FSIP2: variants seen among roughly 807,000 people sequenced by gnomAD.
FSIP2 encodes the protein fibrous sheath interacting protein 2.
FSIP2 carries 367 observed loss-of-function variants against 510.5 expected under a neutral mutation model. That is an observed-to-expected ratio of 0.72 (90% CI 0.66 to 0.78). The LOEUF (loss-of-function observed/expected upper bound fraction) is 0.78, where lower values mean the gene tolerates loss of function less well. Ranked by LOEUF, FSIP2 falls within the 30% of genes least tolerant of loss-of-function variation. FSIP2 has a pLI of 0.00. For missense variants in FSIP2, 7,594 were observed against 7,901.7 expected, an observed-to-expected ratio of 0.96 and a Z score of 1.48; for synonymous variants, 2,601 against 2,732.2, an observed-to-expected ratio of 0.95 and a Z score of 1.50.
intron 13 of FSIP2, among the ~76,000 whole-genome samples, chr2:185,773,603 G>T (rs1692655955): frequency 1.3e-5 from 2 of 152,110 alleles, no homozygotes; most frequent in Non-Finnish European, 2.9e-5. Context: ...TTATTTGTCT[G>T]TAGTGTCAAA....
chr2:185,819,369 G>A (rs979452489), intron 19 of FSIP2, among the ~76,000 whole-genome samples: 39 of 151,766 alleles, frequency 2.6e-4, no homozygotes, highest in African/African-American at 9.4e-4. Context: ...GTATAAATGG[G>A]TTAAACACTT....
At position 185,801,104 on chromosome 2, in the gene FSIP2, A is replaced by G. The variant is rs573530585; in HGVS notation, c.11798A>G (p.His3933Arg). The G allele has an allele frequency of 1.4e-5, 21 of 1,533,044 alleles. No individual in the cohort carries two copies. The highest frequency in any genetic ancestry group is 1.8e-5 in the Non-Finnish European group (21 of 1,145,196). 95.0% of individuals were successfully genotyped at this position (1,533,044 alleles called of 1,614,324 possible). A position where few individuals can be genotyped will look rare whatever the true frequency, so the allele number is the denominator to read the frequency against. ...AAAATACAAGCACCATTTAACAAGC[A>G]TTGTGCAGTAAAATCCTCTTCTGTG... is the stretch of plus-strand genomic sequence containing the variant. Reference protein sequence around the residue: ...SSKIQAPFNKHCAVKSSSVSP... With the variant: ...SSKIQAPFNKRCAVKSSSVSP... The change falls in exon 17 of 23, where the codon CAT (histidine) becomes CGT (arginine). Residue 3933 changes from histidine to arginine, a missense_variant. Coordinates refer to ENST00000424728, the MANE Select transcript of FSIP2 (RefSeq NM_173651.4).
At chr2:185,764,422 A>G (rs1692418879) in intron 12 of FSIP2, 80 bp from the exon 13 acceptor site, 2 of 726,324 alleles carry the variant, frequency 2.8e-6, no homozygotes, top group Admixed American at 5.3e-5. Context: ...TGTACTATAA[A>G]TATAGAAATA....
Position 185,792,828 on chromosome 2 carries a change from C to T in FSIP2, c.5692C>T (p.Pro1898Ser), listed in dbSNP as rs1559027430. The change falls in exon 16 of 23, where the codon CCA becomes TCA. Residue 1898 changes from proline to serine, a missense_variant. Transcript: ENST00000424728. ...KSSVTALDEN[P>S]CTFQSRFSVA... ...CTCTGTCACGGCTTTGGATGAAAAT[C>T]CATGTACTTTTCAGTCTAGATTCAG... The T allele has an allele frequency of 6.5e-7, 1 of 1,534,244 alleles. No homozygotes were observed.
At chr2:185,767,705 TTAGA>T (rs1205138748) in intron 13 of FSIP2, among the ~76,000 whole-genome samples, 2 of 152,164 alleles carry the variant, frequency 1.3e-5, no homozygotes, top group Non-Finnish European at 2.9e-5. Flanking sequence ...ATACATCTAC[TTAGA>T]CAGATAGATC....
intron 15 of FSIP2, 23 bp downstream of exon 15, chr2:185,786,311 A>G: frequency 6.7e-7 from 1 of 1,488,642 alleles, no homozygotes; most frequent in Non-Finnish European, 9.0e-7. Context: ...AAATCCACCG[A>G]GAAAGCAACA....
chr2:185,786,573 T>G (rs2105604414), intron 15 of FSIP2, among the ~76,000 whole-genome samples: 1 of 151,988 alleles, frequency 6.6e-6, no homozygotes, highest in East Asian at 1.9e-4. Context: ...AGGAAGAGAA[T>G]CAAATACCAC....
At chr2:185,821,714 G>A (rs1447374658) in intron 19 of FSIP2, among the ~76,000 whole-genome samples, 5 of 151,448 alleles carry the variant, frequency 3.3e-5, no homozygotes, top group East Asian at 2.0e-4. Context: ...TCTCAAGCCC[G>A]ACAATTTGAG....
Position 185,794,036 on chromosome 2 carries a change from T to C in FSIP2, c.6900T>C (p.Tyr2300=), listed in dbSNP as rs1693206869. The C allele has an allele frequency of 3.9e-6, 6 of 1,533,974 alleles. No individual in the cohort carries two copies. In the East Asian group the frequency reaches 1.5e-4, roughly 38 times the overall value. The part of the protein sequence containing the change: ...ENCKQNDSIF[Y]DSSQVESDVN... ...GTAAACAAAATGACAGCATCTTTTA[T>C]GATTCAAGCCAAGTGGAATCAGATG... Residue 2300 remains tyrosine (Y), a synonymous_variant, in exon 16 of 23, where the codon TAT becomes TAC. Transcript: ENST00000424728.
intron 13 of FSIP2, among the ~76,000 whole-genome samples, chr2:185,780,637 A>C (rs1411113741): frequency 6.6e-6 from 1 of 151,956 alleles, no homozygotes; most frequent in African/African-American, 2.4e-5. Context: ...AAATATTTGA[A>C]ATCTTTGAGG....
At chr2:185,757,974 A>T (rs748916730) in intron 9 of FSIP2, among the ~76,000 whole-genome samples, 1 of 151,072 alleles carries the variant, frequency 6.6e-6, no homozygotes, top group African/African-American at 2.4e-5. Flanking sequence ...ATAATCCCAG[A>T]TTACCTCTGG....
chr2:185,739,097 C>T, intron 1 of FSIP2, 104 bp downstream of exon 1: 1 of 1,374,308 alleles, frequency 7.3e-7, no homozygotes, highest in Non-Finnish European at 9.6e-7. Flanking sequence ...CCCAACTGTC[C>T]CCCGTCAGGA....
intron 17 of FSIP2, among the ~76,000 whole-genome samples, chr2:185,813,126 A>G (rs915083125): frequency 2.6e-5 from 4 of 152,062 alleles, no homozygotes; most frequent in African/African-American, 9.7e-5. Context: ...TTTGAAAATC[A>G]AGATCAGTGA....
At chr2:185,818,638 C>T (rs1232241490) in intron 19 of FSIP2, among the ~76,000 whole-genome samples, 3 of 151,702 alleles carry the variant, frequency 2.0e-5, no homozygotes, top group Admixed American at 1.3e-4. Flanking sequence ...AGTAACCTTA[C>T]AAGCCAAGAG....
At chr2:185,756,160 T>C (rs1692242232) in intron 8 of FSIP2, 32 bp from the exon 9 acceptor site, 2 of 881,932 alleles carry the variant, frequency 2.3e-6, no homozygotes, top group Non-Finnish European at 3.4e-6. Context: ...TCATCATAAG[T>C]AAAAATAAAT....
In FSIP2 at chr2:185,745,677, G is replaced by T; in HGVS notation, c.617+109G>T. 3.2e-6 allele frequency: 3 copies of T among 940,768 alleles called. No homozygotes were observed. In the Middle Eastern group the frequency reaches 6.8e-4, roughly 214 times the overall value. The allele number at this position is 940,768 out of a possible 1,614,324, so 58.3% of individuals were successfully genotyped here. ...TTAAGTACTGGACACCATTCTCCTG[G>T]ATCCCTCAGAGTGTAGAGGAAGGAA... On this transcript the variant is annotated intron_variant, in intron 5 of 22. Coordinates refer to ENST00000424728, the MANE Select transcript of FSIP2 (RefSeq NM_173651.4).
chr2:185,817,724 A>G (rs1693850140), intron 19 of FSIP2, among the ~76,000 whole-genome samples: 1 of 152,034 alleles, frequency 6.6e-6, no homozygotes. Flanking sequence ...GAAATAATAA[A>G]ATACCCAGAA....
At chr2:185,748,549 G>A (rs1408813790) in intron 7 of FSIP2, among the ~76,000 whole-genome samples, 3 of 151,856 alleles carry the variant, frequency 2.0e-5, no homozygotes, top group African/African-American at 4.8e-5. Context: ...ATCTCTGGGC[G>A]GCAGAGCAAG....
At position 185,790,703 on chromosome 2, in the gene FSIP2, T is replaced by G; in HGVS notation, c.3567T>G (p.Thr1189=). ...HKASNYISNT[T]KSSISSSVHQ... Reference sequence around the variant, plus strand: ...CATCAAACTACATTTCCAATACCACTAAAAGTTCCATTTCATCATCAGTTC... The same window carrying G: ...CATCAAACTACATTTCCAATACCACGAAAAGTTCCATTTCATCATCAGTTC... The change falls in exon 16 of 23, where the codon ACT becomes ACG. Residue 1189 remains threonine, a synonymous_variant. Transcript: ENST00000424728. 1 of 1,533,988 alleles carries G rather than the reference T, an allele frequency of 6.5e-7. No homozygotes were observed. Among genetic ancestry groups the G allele is most frequent in the Non-Finnish European group, 8.7e-7 (1 of 1,145,440 alleles).
Sources: gnomAD v4.1 joint callset for allele counts (sites outside exome capture counted in the v4.1 genomes callset) on GRCh38, gnomAD v4.1.1 for gene constraint, MANE v1.5 for transcripts, NCBI Gene and HGNC (gene_info 2026-07-23, HGNC 2026-07-21) for gene names.